Variants in BICRAL observed in about 807,000 individuals in gnomAD.
BICRAL encodes the protein BICRA like chromatin remodeling complex associated protein.
BICRAL carries 8 observed loss-of-function variants against 91.8 expected under a neutral mutation model. The ratio of observed to expected loss-of-function variants is 0.09; its 90% CI spans 0.05 to 0.16. BICRAL has a LOEUF of 0.16. Ranked by LOEUF, BICRAL falls within the 10% of genes least tolerant of loss-of-function variation. The probability of loss-of-function intolerance (pLI) is 1.00; values close to 1 mark genes in which losing one functional copy is unlikely to be tolerated. For missense variants in BICRAL, 1,038 were observed against 1,310.9 expected (o/e 0.79, Z 3.21); for synonymous variants, 445 against 491.1 (o/e 0.91, Z 1.24).
intron 12 of BICRAL, among the ~76,000 whole-genome samples, 169 bp from the exon 13 acceptor site, chr6:42,864,490 G>A (rs16896120): frequency 1.3e-4 from 20 of 152,266 alleles, no homozygotes; most frequent in Non-Finnish European, 2.5e-4. Flanking sequence ...GCCTTTACAG[G>A]ATGCCCTCTC....
Position 42,842,198 on chromosome 6 carries a change from T to C in BICRAL, c.1840-9894T>C, listed in dbSNP as rs543947417. 7.9e-5 allele frequency among the ~76,000 whole-genome samples: 12 copies of C among 152,300 alleles called. No individual in the cohort carries two copies. In the South Asian group the frequency reaches 2.5e-3, roughly 32 times the overall value. On this transcript the variant is annotated intron_variant, in intron 6 of 12. Transcript: ENST00000314073. ...CTTAAATAGTCTGGAGAAAGGGCTT[T>C]AGGCATCAGCATTTTTCAAAAGCTC... is the stretch of plus-strand genomic sequence containing the variant.
chr6:42,790,262 A>G (rs1304145099), intron 1 of BICRAL, among the ~76,000 whole-genome samples: 4 of 151,384 alleles, frequency 2.6e-5, no homozygotes, highest in Non-Finnish European at 1.5e-5. Flanking sequence ...GGATCAAGGG[A>G]TTCCCCCAAC....
intron 1 of BICRAL, among the ~76,000 whole-genome samples, chr6:42,784,199 A>T (rs905673420): frequency 1.3e-5 from 2 of 152,224 alleles, no homozygotes; most frequent in Non-Finnish European, 2.9e-5. Context: ...CTCTAATCTG[A>T]AAAGTTAAAT....
At chr6:42,795,285 G>C (rs796377194) in intron 1 of BICRAL, among the ~76,000 whole-genome samples, 4 of 152,212 alleles carry the variant, frequency 2.6e-5, no homozygotes, top group African/African-American at 9.6e-5. Context: ...ATAAAAATTA[G>C]CTGGGCATAA....
intron 6 of BICRAL, among the ~76,000 whole-genome samples, chr6:42,847,706 T>C (rs1156559161): frequency 1.3e-5 from 2 of 152,104 alleles, no homozygotes; most frequent in African/African-American, 4.8e-5. Context: ...AGGTGGATCA[T>C]GAAGTCAGGA....
In BICRAL at chr6:42,829,814, T is replaced by C; in HGVS notation, c.1481T>C (p.Leu494Pro). 1 of 1,614,224 alleles carries C rather than the reference T, an allele frequency of 6.2e-7. No homozygotes were observed. Among genetic ancestry groups the C allele is most frequent in the Non-Finnish European group, 8.5e-7 (1 of 1,180,038 alleles). ...ATAGCCAATCATGCCTCTCCTCAGC[T>C]TGTGGGTGGACAGATGCCCTTGCAG... The part of the protein sequence containing the change: ...PVIANHASPQ[L>P]VGGQMPLQQA... The change falls in exon 6 of 13, where the codon CTT becomes CCT. Residue 494 changes from leucine to proline, a missense_variant. Coordinates refer to ENST00000314073, the MANE Select transcript of BICRAL (RefSeq NM_001393499.1).
At chr6:42,754,547 C>G (rs779592367) in intron 1 of BICRAL, among the ~76,000 whole-genome samples, 3 of 152,190 alleles carry the variant, frequency 2.0e-5, no homozygotes, top group Non-Finnish European at 4.4e-5. Flanking sequence ...AATAAATACT[C>G]TTACTATGTG....
intron 1 of BICRAL, among the ~76,000 whole-genome samples, chr6:42,759,768 C>G (rs1038858154): frequency 6.6e-6 from 1 of 152,180 alleles, no homozygotes; most frequent in African/African-American, 2.4e-5. Context: ...TTCTGGGAAG[C>G]CTATCTGGGT....
At chr6:42,849,200 C>T (rs932221307) in intron 6 of BICRAL, among the ~76,000 whole-genome samples, 3 of 152,118 alleles carry the variant, frequency 2.0e-5, no homozygotes, top group African/African-American at 4.8e-5. Context: ...AGTTGTCCCA[C>T]ATCAGCACCG....
chr6:42,844,557 A>AGGCAG (rs71305781), intron 6 of BICRAL, among the ~76,000 whole-genome samples: 15,717 of 80,428 alleles, frequency 0.2, 3,969 homozygotes, highest in African/African-American at 0.32. Flanking sequence ...AGGGTGTTGC[A>AGGCAG]GAAAGAAGAT....
At chr6:42,862,483 G>T in intron 11 of BICRAL, 27 bp from the exon 12 acceptor site, 1 of 1,413,896 alleles carries the variant, frequency 7.1e-7, no homozygotes, top group Non-Finnish European at 9.9e-7. Context: ...AATTGTCTAT[G>T]AAATGACTGG....
chr6:42,841,183 A>ATTTTTT (rs70990150), intron 6 of BICRAL, among the ~76,000 whole-genome samples: 18 of 80,666 alleles, frequency 2.2e-4, no homozygotes, highest in Non-Finnish European at 2.8e-4. Flanking sequence ...ACTCTTGAAT[A>ATTTTTT]TTTTTTTTTT....
chr6:42,822,960 G>C lies in BICRAL; in HGVS notation c.116G>C (p.Gly39Ala). 1 of 1,610,772 alleles carries C rather than the reference G, an allele frequency of 6.2e-7. No homozygotes were observed. The highest frequency in any genetic ancestry group is 8.5e-7 in the Non-Finnish European group (1 of 1,177,128). ...KSSNDDLTNA[G>A]YSAANSNSIF... is the part of the protein sequence containing the mutation. ...AGCAATGATGACTTGACTAATGCAG[G>C]ATATTCTGCAGCCAATTCAAATTCA... Residue 39 changes from glycine to alanine, a missense_variant, in exon 5 of 13, where the codon GGA (glycine) becomes GCA (alanine). Around this residue, in one of 5 missense-constraint regions of BICRAL, gnomAD observed 115 missense variants for 121.5 expected, o/e 0.95. Coordinates refer to ENST00000314073, the MANE Select transcript of BICRAL (RefSeq NM_001393499.1).
At chr6:42,800,601 G>A (rs1052631015) in intron 1 of BICRAL, among the ~76,000 whole-genome samples, 4 of 150,070 alleles carry the variant, frequency 2.7e-5, no homozygotes, top group African/African-American at 7.4e-5. Context: ...CCAGGCTAGA[G>A]TGCAGTGCTG....
intron 6 of BICRAL, among the ~76,000 whole-genome samples, chr6:42,842,230 T>G (rs926970323): frequency 1.3e-5 from 2 of 152,204 alleles, no homozygotes; most frequent in African/African-American, 4.8e-5. Context: ...GCTCCCCAAG[T>G]GATTTTAAAG....
At chr6:42,747,954 G>A (rs1281902263) in intron 1 of BICRAL, among the ~76,000 whole-genome samples, 1 of 151,690 alleles carries the variant, frequency 6.6e-6, no homozygotes, top group Non-Finnish European at 1.5e-5. Flanking sequence ...ACAGGCATGC[G>A]CCACCATGTC....
intron 1 of BICRAL, among the ~76,000 whole-genome samples, chr6:42,762,116 G>A (rs1454467941): frequency 2.0e-5 from 3 of 152,080 alleles, no homozygotes; most frequent in African/African-American, 4.8e-5. Flanking sequence ...TGGTGGAGCC[G>A]AATTTGCTTT....
At chr6:42,782,332 T>G (rs1384484361) in intron 1 of BICRAL, among the ~76,000 whole-genome samples, 12 of 139,388 alleles carry the variant, frequency 8.6e-5, no homozygotes, top group South Asian at 2.5e-4. Context: ...GCTGTGTTTT[T>G]TTTTTTTTTT....
intron 1 of BICRAL, among the ~76,000 whole-genome samples, chr6:42,792,390 A>G (rs959482086): frequency 2.6e-5 from 4 of 151,020 alleles, no homozygotes; most frequent in African/African-American, 9.8e-5. Flanking sequence ...CTCAGCCTCT[A>G]CTGAGTAGCT....
Sources: allele counts gnomAD v4.1 joint callset (sites outside exome capture counted in the v4.1 genomes callset), GRCh38; gene constraint gnomAD v4.1.1; regional missense constraint gnomAD v4.1.1; transcripts MANE v1.5; gene names NCBI Gene and HGNC (gene_info 2026-07-23, HGNC 2026-07-21).